KTN1: variants seen among roughly 807,000 people sequenced by gnomAD.
The protein encoded by KTN1 is kinectin.
In KTN1, 130 loss-of-function variants were observed where a neutral mutation model predicts 222.5. The ratio of observed to expected loss-of-function variants is 0.58; its 90% CI spans 0.51 to 0.68. KTN1 has a LOEUF of 0.68. Among genes scored for constraint, KTN1 ranks in the 30% least tolerant of loss-of-function variants. The pLI, the probability that KTN1 is intolerant of heterozygous loss-of-function variation, is 0.00. For synonymous variants in KTN1, 512 were observed against 496.3 expected (o/e 1.03, Z -0.42); for missense variants, 1,508 against 1,500.4 (o/e 1.01, Z -0.08).
chr14:55,641,880 A>T (rs1338325892), intron 18 of KTN1, 120 bp downstream of exon 18: 1 of 681,722 alleles, frequency 1.5e-6, no homozygotes, highest in Non-Finnish European at 2.6e-6. Context: ...TATGGCTGTT[A>T]TTGCCTTTCT....
intron 1 of KTN1, among the ~76,000 whole-genome samples, chr14:55,594,474 C>A (rs1056479274): frequency 6.9e-6 from 1 of 145,800 alleles, no homozygotes. Flanking sequence ...TTTGGAGTTG[C>A]TGTTCCCACT....
At chr14:55,628,056 A>ATACT in intron 6 of KTN1, 28 bp downstream of exon 6, 1 of 1,306,860 alleles carries the variant, frequency 7.7e-7, no homozygotes, top group Non-Finnish European at 1.1e-6. Flanking sequence ...TACGAGGGAT[A>ATACT]TACTTCCCAA....
rs762672090 is a variant in KTN1, at chr14:55,626,244, T to C, written c.964-1668T>C. ...ACCCTAACACATAACCAAAGAAAAC[T>C]TTATTTCTACTTTTTATTTATTTCT... On this transcript the variant is annotated intron_variant, in intron 5 of 43. Transcript: ENST00000395314. Among the ~76,000 whole-genome samples, 149 of 152,108 alleles carry C rather than the reference T, an allele frequency of 9.8e-4. 1 individual carries two copies. Among genetic ancestry groups the C allele is most frequent in the Non-Finnish European group, 1.4e-3 (92 of 67,980 alleles).
At position 55,639,293 on chromosome 14, in the gene KTN1, T is replaced by G. The variant is rs369051702; in HGVS notation, c.1823+71T>G. ...ACTGATACTTGTTAGATGCGACACT[T>G]ATGATTAACTTTATACCTCTGACGA... On this transcript the variant is annotated intron_variant, in intron 13 of 43. Coordinates refer to ENST00000395314, the MANE Select transcript of KTN1 (RefSeq NM_001079521.2). 11 of 1,070,070 alleles carry G rather than the reference T, an allele frequency of 1.0e-5. No homozygotes were observed. In the East Asian group the frequency reaches 1.7e-4, roughly 16 times the overall value. The allele number at this position is 1,070,070 out of a possible 1,614,324, so 66.3% of individuals were successfully genotyped here. A position where few individuals can be genotyped will look rare whatever the true frequency, so the allele number is the denominator to read the frequency against.
chr14:55,643,141 C>T (rs2141020599), intron 18 of KTN1, among the ~76,000 whole-genome samples: 1 of 152,276 alleles, frequency 6.6e-6, no homozygotes, highest in East Asian at 1.9e-4. Flanking sequence ...AACTCCTGGC[C>T]TTAAGTGATC....
intron 14 of KTN1, 85 bp downstream of exon 14, chr14:55,640,088 T>C: frequency 1.2e-6 from 1 of 835,384 alleles, no homozygotes; most frequent in Non-Finnish European, 2.0e-6. Context: ...TAAGTGTATA[T>C]GAAAAATGGA....
At position 55,649,760 on chromosome 14, in the gene KTN1, A is replaced by G. The variant is rs781212607; in HGVS notation, c.2368-16A>G. 1.4e-6 allele frequency: 2 copies of G among 1,436,870 alleles called. No homozygotes were observed. The highest frequency in any genetic ancestry group is 1.8e-5 in the Admixed American group (1 of 54,524). 89.0% of individuals were successfully genotyped at this position (1,436,870 alleles called of 1,614,324 possible). ...TTTTGAACAAATTACTAAGTAGGAT[A>G]CTTTCCTATTTCCAGGTTTCTTTTG... On this transcript the variant is annotated splice_polypyrimidine_tract_variant and intron_variant, in intron 21 of 43. Coordinates refer to ENST00000395314, the MANE Select transcript of KTN1 (RefSeq NM_001079521.2).
chr14:55,653,273 TG>T (rs2043129219), intron 27 of KTN1, among the ~76,000 whole-genome samples, 188 bp downstream of exon 27: 1 of 152,224 alleles, frequency 6.6e-6, no homozygotes, highest in African/African-American at 2.4e-5. Flanking sequence ...CTGCTTAATC[TG>T]TCAACCTGAG....
intron 33 of KTN1, among the ~76,000 whole-genome samples, chr14:55,666,776 A>T (rs1393215664): frequency 6.6e-6 from 1 of 151,930 alleles, no homozygotes; most frequent in Non-Finnish European, 1.5e-5. Flanking sequence ...GAAATAAGAG[A>T]GTTACCATTT....
In KTN1 at chr14:55,652,070, CTAAGTTTCT is replaced by C. The variant is rs1159569920; in HGVS notation, c.2603+146_2603+154del. 44 of 580,628 alleles carry C rather than the reference CTAAGTTTCT, an allele frequency of 7.6e-5. 2 individuals carry two copies. The East Asian group carries it at 1.2e-3, about 15-fold the overall frequency. 36.0% of individuals were successfully genotyped at this position (580,628 alleles called of 1,614,324 possible). A position where few individuals can be genotyped will look rare whatever the true frequency, so the allele number is the denominator to read the frequency against. Reference sequence around the variant, plus strand: ...GATTATCTCAAAACTCCTAAGGGCCCTAAGTTTCTTATTTGGCTTTAACCTATTAAGTTT... The same window carrying C: ...GATTATCTCAAAACTCCTAAGGGCCCTATTTGGCTTTAACCTATTAAGTTT... On this transcript the variant is annotated intron_variant, in intron 25 of 43. Transcript: ENST00000395314.
chr14:55,663,491 T>C (rs2044363217), intron 32 of KTN1: 1 of 163,548 alleles, frequency 6.1e-6, no homozygotes, highest in African/African-American at 2.4e-5. Flanking sequence ...ATTTGAAACA[T>C]GTTAATTGTA....
intron 13 of KTN1, among the ~76,000 whole-genome samples, 156 bp from the exon 14 acceptor site, chr14:55,639,757 T>C (rs1355576725): frequency 1.3e-5 from 2 of 151,860 alleles, no homozygotes; most frequent in Admixed American, 6.6e-5. Context: ...GTTATAGTAA[T>C]GTGTGTGACA....
chr14:55,663,497 T>C (rs2044363982), intron 32 of KTN1: 1 of 163,630 alleles, frequency 6.1e-6, no homozygotes, highest in Admixed American at 5.9e-5. Flanking sequence ...AACATGTTAA[T>C]TGTATTAAAC....
In KTN1 at chr14:55,684,140, G is replaced by A. The variant is rs377030594; in HGVS notation, c.*37G>A. 1,820 of 1,564,824 alleles carry A rather than the reference G, an allele frequency of 1.2e-3. 28 individuals carry two copies. In the South Asian group the frequency reaches 0.017, roughly 15 times the overall value. On this transcript the variant is annotated 3_prime_UTR_variant, in exon 44 of 44. Coordinates refer to ENST00000395314, the MANE Select transcript of KTN1 (RefSeq NM_001079521.2). ...AACTGTTCATTTGAGGATAAAAAAG[G>A]CATTGTATTATATTTTGCCAAATTA...
chr14:55,645,638 C>G (rs1232079911), intron 18 of KTN1, among the ~76,000 whole-genome samples: 1 of 152,092 alleles, frequency 6.6e-6, no homozygotes, highest in Non-Finnish European at 1.5e-5. Context: ...TAGTATAAAC[C>G]TGATTTAATG....
At chr14:55,652,634 T>G (rs955456547) in intron 25 of KTN1, among the ~76,000 whole-genome samples, 2 of 152,116 alleles carry the variant, frequency 1.3e-5, no homozygotes, top group African/African-American at 2.4e-5. Flanking sequence ...CTCCTGACCT[T>G]GTGATCCGCC....
In KTN1 at chr14:55,675,869, T is replaced by A; in HGVS notation, c.3806T>A (p.Leu1269His). The A allele has an allele frequency of 6.2e-7, 1 of 1,613,394 alleles. No individual in the cohort carries two copies. ...KAQLNETLTK[L>H]RTEQNERQKV... ...CAGTTAAATGAAACACTCACAAAAC[T>A]TAGAACTGAACAAAATGAAAGACAG... The change falls in exon 41 of 44, where the codon CTT becomes CAT. Residue 1269 changes from leucine (L) to histidine (H), a missense_variant. Coordinates refer to ENST00000395314, the MANE Select transcript of KTN1 (RefSeq NM_001079521.2).
rs1595073348 is a variant in KTN1 at position 55,646,460 on chromosome 14, T to TTTCCTTTCCTTTCCTTTCCTTTCCTTTCC, written c.2173-511_2173-510insCCTTTCCTTTCCTTTCCTTTCCTTTCCTT. On this transcript the variant is annotated intron_variant, in intron 18 of 43. Transcript: ENST00000395314. Reference sequence around the variant, plus strand: ...CCTTTCCTTTTCCTTTTCCTTTTCCTTTTCCTTTCCTTTCCTTTCCTTTCC... The same window carrying TTTCCTTTCCTTTCCTTTCCTTTCCTTTCC: ...CCTTTCCTTTTCCTTTTCCTTTTCCTTTCCTTTCCTTTCCTTTCCTTTCCTTTCCTTTCCTTTCCTTTCCTTTCCTTTCC... 6.1e-4 allele frequency among the ~76,000 whole-genome samples: 30 copies of TTTCCTTTCCTTTCCTTTCCTTTCCTTTCC among 48,976 alleles called. 2 individuals are homozygous for TTTCCTTTCCTTTCCTTTCCTTTCCTTTCC. Among genetic ancestry groups the TTTCCTTTCCTTTCCTTTCCTTTCCTTTCC allele is most frequent in the East Asian group, 2.3e-3 (4 of 1,750 alleles). The allele number at this position is 48,976 out of a possible 152,430, so 32.1% of individuals were successfully genotyped here. A position where few individuals can be genotyped will look rare whatever the true frequency, so the allele number is the denominator to read the frequency against.
At chr14:55,648,968 C>G in intron 21 of KTN1, 98 bp downstream of exon 21, 1 of 807,294 alleles carries the variant, frequency 1.2e-6, no homozygotes, top group Non-Finnish European at 2.0e-6. Flanking sequence ...CTCTTTTGCC[C>G]AGGCTGGAGT....
Sources: allele counts gnomAD v4.1 joint callset (sites outside exome capture counted in the v4.1 genomes callset), GRCh38; gene constraint gnomAD v4.1.1; transcripts MANE v1.5; gene names NCBI Gene and HGNC (gene_info 2026-07-23, HGNC 2026-07-21).